XRCC5: variants seen among roughly 807,000 people sequenced by gnomAD.
The protein encoded by XRCC5 is DNA repair protein Ku80.
XRCC5 carries 12 observed loss-of-function variants against 95.7 expected under a neutral mutation model. The ratio of observed to expected loss-of-function variants is 0.13; its 90% confidence interval spans 0.08 to 0.20. The LOEUF (loss-of-function observed/expected upper bound fraction) is 0.20, where lower values mean the gene tolerates loss of function less well. XRCC5 is among the 10% of genes least tolerant of loss of function. The pLI is 1.00. For missense variants in XRCC5, 595 were observed against 873.9 expected (o/e 0.68, Z 4.02); for synonymous variants, 281 against 290.3 (o/e 0.97, Z 0.33).
chr2:216,154,996 C>G (rs1285140896), intron 14 of XRCC5, among the ~76,000 whole-genome samples: 1 of 151,572 alleles, frequency 6.6e-6, no homozygotes, highest in East Asian at 1.9e-4. Context: ...CACAACACAT[C>G]AATAACCAAG....
At position 216,126,047 on chromosome 2, in the gene XRCC5, A is replaced by G. The variant is rs999451452; in HGVS notation, c.798+16A>G. 1.9e-6 allele frequency: 3 copies of G among 1,584,638 alleles called. No homozygotes were observed. The highest frequency in any genetic ancestry group is 2.7e-5 in the African/African-American group (2 of 74,278). On this transcript the variant is annotated intron_variant, in intron 7 of 20. Transcript: ENST00000392132. ...CTATAAATCGGTAAGTGGCAGGTAC[A>G]CATTTTTAACAGAAATGTTACCAGG...
intron 16 of XRCC5, among the ~76,000 whole-genome samples, chr2:216,174,692 T>G (rs1467079745): frequency 4.6e-5 from 7 of 152,234 alleles, no homozygotes; most frequent in Non-Finnish European, 1.0e-4. Context: ...TTTTGCAAAC[T>G]GTGGCTATGA....
intron 16 of XRCC5, among the ~76,000 whole-genome samples, chr2:216,166,332 G>T (rs1247737910): frequency 1.3e-5 from 2 of 152,080 alleles, no homozygotes; most frequent in Non-Finnish European, 2.9e-5. Flanking sequence ...ATGTTATCCA[G>T]GCTGGTCCTG....
intron 16 of XRCC5, among the ~76,000 whole-genome samples, chr2:216,179,250 C>T (rs1689336910): frequency 6.6e-6 from 1 of 152,208 alleles, no homozygotes; most frequent in Admixed American, 6.5e-5. Context: ...CTCCTTCTCT[C>T]TTAACAGGGG....
At chr2:216,117,679 A>G in intron 3 of XRCC5, 67 bp from the exon 4 acceptor site, 1 of 1,541,144 alleles carries the variant, frequency 6.5e-7, no homozygotes, top group South Asian at 1.1e-5. Flanking sequence ...GGTGGACTTC[A>G]TTGGAAAGAG....
intron 5 of XRCC5, among the ~76,000 whole-genome samples, chr2:216,120,700 T>A (rs1276252646): frequency 6.6e-6 from 1 of 152,052 alleles, no homozygotes; most frequent in Non-Finnish European, 1.5e-5. Flanking sequence ...AGACTATAGA[T>A]GCATGTTACC....
In XRCC5 at chr2:216,125,779, T is replaced by G; in HGVS notation, c.684-138T>G. On this transcript the variant is annotated intron_variant, in intron 6 of 20. Coordinates refer to ENST00000392132, the MANE Select transcript of XRCC5 (RefSeq NM_021141.4). ...TATATCTCCCAACTTGTGGTTGTTG[T>G]TTTCCGGCCATCTCCTGCTGTTTCT... is the stretch of plus-strand genomic sequence containing the variant. 6.1e-6 allele frequency: 4 copies of G among 654,980 alleles called. 1 individual carries two copies. In the South Asian group the frequency reaches 8.3e-5, roughly 14 times the overall value. The allele number at this position is 654,980 out of a possible 1,614,324, so 40.6% of individuals were successfully genotyped here.
At chr2:216,118,957 TCTCTC>T (rs1696751796) in intron 4 of XRCC5, 81 bp from the exon 5 acceptor site, 4 of 1,419,312 alleles carry the variant, frequency 2.8e-6, no homozygotes, top group Non-Finnish European at 3.9e-6. Flanking sequence ...TTTCTAAGCT[TCTCTC>T]CTCAGTGACC....
Position 216,160,172 on chromosome 2 carries a change from C to T in XRCC5, c.1764+11C>T. The T allele has an allele frequency of 6.3e-7, 1 of 1,579,080 alleles. No homozygotes were observed. The highest frequency in any genetic ancestry group is 2.3e-5 in the East Asian group (1 of 43,298). ...GGCAGTGTCACCTCTGTAAGCTAAG[C>T]TTTTCAAGTGCGCTTCCCCCTTTGC... On this transcript the variant is annotated intron_variant, in intron 15 of 20. Transcript: ENST00000392132.
At chr2:216,132,867 A>G (rs1330275050) in intron 10 of XRCC5, among the ~76,000 whole-genome samples, 1 of 152,200 alleles carries the variant, frequency 6.6e-6, no homozygotes, top group Non-Finnish European at 1.5e-5. Flanking sequence ...CTATACTCAC[A>G]TCTGCCCTTT....
intron 5 of XRCC5, 60 bp from the exon 6 acceptor site, chr2:216,122,002 T>C: frequency 2.1e-6 from 3 of 1,419,512 alleles, no homozygotes; most frequent in Non-Finnish European, 2.8e-6. Context: ...CATTTTCTCA[T>C]AGCTGATGAG....
chr2:216,178,605 A>G (rs1320859506), intron 16 of XRCC5, among the ~76,000 whole-genome samples: 1 of 152,230 alleles, frequency 6.6e-6, no homozygotes, highest in African/African-American at 2.4e-5. Context: ...AAACGTCAAG[A>G]TGTCTTCATG....
intron 19 of XRCC5, among the ~76,000 whole-genome samples, chr2:216,198,410 AC>A (rs1689771160): frequency 6.6e-6 from 1 of 152,076 alleles, no homozygotes; most frequent in South Asian, 2.1e-4. Context: ...AGTGGTGAGT[AC>A]CCCCACCTGT....
At chr2:216,172,221 A>T (rs1689177256) in intron 16 of XRCC5, among the ~76,000 whole-genome samples, 1 of 152,214 alleles carries the variant, frequency 6.6e-6, no homozygotes. Context: ...TGTCTCTGGA[A>T]CTTCTAAGCA....
intron 11 of XRCC5, 51 bp from the exon 12 acceptor site, chr2:216,138,038 T>G: frequency 1.4e-6 from 2 of 1,480,606 alleles, no homozygotes; most frequent in Non-Finnish European, 1.9e-6. Flanking sequence ...AGTTTTATAT[T>G]TTTTCATTAA....
At chr2:216,157,962 A>G (rs1347460709) in intron 14 of XRCC5, among the ~76,000 whole-genome samples, 2 of 152,200 alleles carry the variant, frequency 1.3e-5, no homozygotes, top group East Asian at 3.8e-4. Flanking sequence ...CAAAATTCCT[A>G]ATAATGCTGT....
At chr2:216,148,300 T>G (rs769083148) in intron 14 of XRCC5, 24 bp downstream of exon 14, 8 of 1,593,702 alleles carry the variant, frequency 5.0e-6, no homozygotes, top group Non-Finnish European at 6.0e-6. Flanking sequence ...ATAGTTGCAT[T>G]TAACATTGGG....
At chr2:216,193,056 C>G (rs1689648147) in intron 18 of XRCC5, among the ~76,000 whole-genome samples, 1 of 152,192 alleles carries the variant, frequency 6.6e-6, no homozygotes, top group African/African-American at 2.4e-5. Flanking sequence ...AACATTGTCC[C>G]CTTTCTCAGA....
At chr2:216,199,288 T>A (rs1689791051) in intron 19 of XRCC5, among the ~76,000 whole-genome samples, 1 of 152,236 alleles carries the variant, frequency 6.6e-6, no homozygotes, top group Non-Finnish European at 1.5e-5. Context: ...TCATTTTAAA[T>A]GAAAATTATA....
Sources: allele counts gnomAD v4.1 joint callset (sites outside exome capture counted in the v4.1 genomes callset), GRCh38; gene constraint gnomAD v4.1.1; transcripts MANE v1.5; gene names NCBI Gene and HGNC (gene_info 2026-07-23, HGNC 2026-07-21).